The following PLPP1 variants were observed in gnomAD, a reference collection of about 807,000 sequenced individuals.
PLPP1 encodes lipid phosphate phosphohydrolase 1a.
PLPP1 carries 24 observed loss-of-function variants against 31.2 expected under a neutral mutation model. The ratio of observed to expected loss-of-function variants is 0.77; its 90% CI spans 0.56 to 1.08. The LOEUF (loss-of-function observed/expected upper bound fraction) is 1.08, where lower values mean the gene tolerates loss of function less well. PLPP1 is among the 50% of genes least tolerant of loss of function. The pLI, the probability that PLPP1 is intolerant of heterozygous loss-of-function variation, is 0.00. For synonymous variants in PLPP1, 146 were observed against 126.3 expected (o/e 1.16, Z -1.05); for missense variants, 319 against 342.7 (o/e 0.93, Z 0.55).
chr5:55,429,733 C>T (rs550804600), intron 4 of PLPP1, among the ~76,000 whole-genome samples: 1 of 152,256 alleles, frequency 6.6e-6, no homozygotes, highest in East Asian at 1.9e-4. Context: ...AAGTCCCCCA[C>T]CCACAGCTGG....
chr5:55,428,433 T>C (rs895320609), intron 4 of PLPP1, among the ~76,000 whole-genome samples: 5 of 152,222 alleles, frequency 3.3e-5, no homozygotes, highest in Admixed American at 1.3e-4. Context: ...TTGGGTAAAC[T>C]TGAATTCCAC....
chr5:55,484,510 T>A (rs538873478), intron 1 of PLPP1: 107 of 152,270 alleles, frequency 7.0e-4, no homozygotes, highest in African/African-American at 2.4e-3. Flanking sequence ...AAAACTTTTT[T>A]AAAAAATATT....
intron 1 of PLPP1, among the ~76,000 whole-genome samples, chr5:55,493,465 A>C (rs1752939879): frequency 6.6e-6 from 1 of 152,126 alleles, no homozygotes; most frequent in Non-Finnish European, 1.5e-5. Context: ...TATAGGACTC[A>C]GGCATGGTGA....
At chr5:55,523,347 C>T (rs1753714382) in intron 1 of PLPP1, among the ~76,000 whole-genome samples, 1 of 151,938 alleles carries the variant, frequency 6.6e-6, no homozygotes, top group Admixed American at 6.6e-5. Flanking sequence ...ATTTTTTGTA[C>T]TCATCAACCA....
At chr5:55,437,651 G>C (rs2111694133) in intron 4 of PLPP1, among the ~76,000 whole-genome samples, 1 of 152,254 alleles carries the variant, frequency 6.6e-6, no homozygotes, top group Admixed American at 6.5e-5. Flanking sequence ...CAAATTGATT[G>C]CTCCACCTAC....
At chr5:55,504,391 G>A (rs1304072169) in intron 1 of PLPP1, among the ~76,000 whole-genome samples, 2 of 149,468 alleles carry the variant, frequency 1.3e-5, no homozygotes, top group Non-Finnish European at 3.0e-5. Context: ...GGATGGTGGT[G>A]CACGCCTGTT....
chr5:55,470,337 G>C (rs1561235545), intron 2 of PLPP1, among the ~76,000 whole-genome samples: 1 of 152,166 alleles, frequency 6.6e-6, no homozygotes, highest in Non-Finnish European at 1.5e-5. Flanking sequence ...CCACATCTCA[G>C]GTATGAGCTG....
intron 4 of PLPP1, among the ~76,000 whole-genome samples, chr5:55,435,328 G>A (rs1291033852): frequency 6.6e-6 from 1 of 152,218 alleles, no homozygotes; most frequent in Non-Finnish European, 1.5e-5. Context: ...ATGCAGAAAA[G>A]GGGGCCTAAT....
At chr5:55,506,521 C>A (rs1267909543) in intron 1 of PLPP1, among the ~76,000 whole-genome samples, 2 of 152,096 alleles carry the variant, frequency 1.3e-5, no homozygotes, top group Non-Finnish European at 2.9e-5. Context: ...AAATCTTAAC[C>A]CTATTAAATT....
intron 1 of PLPP1, among the ~76,000 whole-genome samples, chr5:55,520,790 T>C (rs1374828940): frequency 6.6e-6 from 1 of 152,268 alleles, no homozygotes; most frequent in East Asian, 1.9e-4. Context: ...TAGACTCATA[T>C]CCTTCTGAAC....
At chr5:55,449,672 T>C (rs1269580423) in intron 3 of PLPP1, among the ~76,000 whole-genome samples, 3 of 152,214 alleles carry the variant, frequency 2.0e-5, no homozygotes, top group Admixed American at 6.5e-5. Flanking sequence ...AATATACATA[T>C]AATTTAAAAG....
intron 1 of PLPP1, among the ~76,000 whole-genome samples, chr5:55,512,154 T>G (rs1398210289): frequency 2.0e-5 from 3 of 150,256 alleles, no homozygotes; most frequent in East Asian, 2.0e-4. Flanking sequence ...AAAAAGAAAC[T>G]TCAGGAATCA....
chr5:55,450,721 T>G (rs1751873028), intron 3 of PLPP1, among the ~76,000 whole-genome samples: 1 of 152,136 alleles, frequency 6.6e-6, no homozygotes, highest in Admixed American at 6.5e-5. Context: ...AAAGCCACTT[T>G]ACCTAACAGT....
At chr5:55,519,837 A>C (rs1457567637) in intron 1 of PLPP1, among the ~76,000 whole-genome samples, 1 of 152,196 alleles carries the variant, frequency 6.6e-6, no homozygotes, top group Non-Finnish European at 1.5e-5. Context: ...TTCTGAAGAC[A>C]GTTACCTAAA....
intron 4 of PLPP1, among the ~76,000 whole-genome samples, chr5:55,438,884 G>C (rs1270942627): frequency 6.7e-6 from 1 of 149,944 alleles, no homozygotes; most frequent in African/African-American, 2.5e-5. Flanking sequence ...CTGGGTGAGA[G>C]AGCAAGACTC....
chr5:55,514,428 AC>A (rs1353054460), intron 1 of PLPP1, among the ~76,000 whole-genome samples: 1 of 151,970 alleles, frequency 6.6e-6, no homozygotes, highest in Non-Finnish European at 1.5e-5. Flanking sequence ...TAAAATCCAG[AC>A]CTGACACCTC....
intron 4 of PLPP1, among the ~76,000 whole-genome samples, chr5:55,428,018 C>A (rs230744): frequency 0.86 from 130,632 of 151,960 alleles, 56,539 homozygotes; most frequent in South Asian, 0.92. Context: ...AACTCCTGAC[C>A]TCAGGTGATC....
intron 3 of PLPP1, among the ~76,000 whole-genome samples, chr5:55,456,131 TATTA>T (rs1276639518): frequency 1.3e-5 from 2 of 152,222 alleles, no homozygotes; most frequent in South Asian, 4.1e-4. Context: ...AATTCTCATA[TATTA>T]ATTCTAAATT....
chr5:55,534,405 G>A (rs1740802388), intron 1 of PLPP1, among the ~76,000 whole-genome samples, 167 bp downstream of exon 1: 1 of 152,226 alleles, frequency 6.6e-6, no homozygotes, highest in South Asian at 2.1e-4. Context: ...GGGAGCCGGG[G>A]TGCAGGCTGC....
Sources: gnomAD v4.1 joint callset for allele counts (sites outside exome capture counted in the v4.1 genomes callset) on GRCh38, gnomAD v4.1.1 for gene constraint, MANE v1.5 for transcripts, NCBI Gene and HGNC (gene_info 2026-07-23, HGNC 2026-07-21) for gene names.